TP73: variants seen among roughly 807,000 people sequenced by gnomAD.
The protein encoded by TP73 is p53-like transcription factor.
In TP73, 25 loss-of-function variants were observed where a neutral mutation model predicts 62.5. The ratio of observed to expected loss-of-function variants is 0.40; its 90% CI spans 0.29 to 0.56. The LOEUF is 0.56. Among genes scored for constraint, TP73 ranks in the 20% least tolerant of loss-of-function variants. The probability of loss-of-function intolerance (pLI) is 0.46; values close to 1 mark genes in which losing one functional copy is unlikely to be tolerated. For synonymous variants in TP73, 423 were observed against 377.5 expected, an observed-to-expected ratio of 1.12 and a Z score of -1.40; for missense variants, 754 against 913.3, an observed-to-expected ratio of 0.83 and a Z score of 2.25.
At chr1:3,726,288 GTGGAT>G (rs1489599000) in intron 6 of TP73, among the ~76,000 whole-genome samples, 33 of 32,196 alleles carry the variant, frequency 1.0e-3, no homozygotes, top group African/African-American at 1.7e-3. Context: ...GGGTGGGTGG[GTGGAT>G]GGATGGATGG....
chr1:3,656,224 C>T (rs1644863171), intron 1 of TP73, among the ~76,000 whole-genome samples: 1 of 151,562 alleles, frequency 6.6e-6, no homozygotes, highest in Non-Finnish European at 1.5e-5. Context: ...GAGTGTAAGA[C>T]AGCTTATACC....
intron 1 of TP73, among the ~76,000 whole-genome samples, chr1:3,653,418 C>T (rs1394493274): frequency 1.3e-5 from 2 of 152,272 alleles, no homozygotes; most frequent in Non-Finnish European, 2.9e-5. Context: ...ATTACCTTTG[C>T]TCAGCTTGTA....
At position 3,732,823 on chromosome 1, in the gene TP73, A is replaced by G. The variant is rs1411023127; in HGVS notation, c.1655A>G (p.His552Arg). 9 of 1,609,792 alleles carry G rather than the reference A, an allele frequency of 5.6e-6. No individual in the cohort carries two copies. The highest frequency in any genetic ancestry group is 7.6e-6 in the Non-Finnish European group (9 of 1,177,902). The stretch of plus-strand genomic sequence containing the variant: ...GGCCTGCAGGACCTGAAGCAGGGCC[A>G]CGACTACAGCACCGCGCAGCAGCTG... ...WRGLQDLKQG[H>R]DYSTAQQLLR... Residue 552 changes from histidine to arginine, a missense_variant, in exon 14 of 14, where the codon CAC (histidine) becomes CGC (arginine). Coordinates refer to ENST00000378295, the MANE Select transcript of TP73 (RefSeq NM_005427.4).
At position 3,731,034 on chromosome 1, in the gene TP73, C is replaced by T. The variant is rs1202475331; in HGVS notation, c.1453C>T (p.Pro485Ser). ...CTCGGGGTCCCACTGCACTCCGCCACCCCCCTACCACGCCGACCCCAGCCT... is the reference window on the plus strand; with the variant it reads ...CTCGGGGTCCCACTGCACTCCGCCATCCCCCTACCACGCCGACCCCAGCCT... ...MVSGSHCTPP[P>S]PYHADPSLVS... is the part of the protein sequence containing the mutation. The change falls in exon 12 of 14, where the codon CCC becomes TCC. Residue 485 changes from proline (P) to serine (S), a missense_variant. Coordinates refer to ENST00000378295, the MANE Select transcript of TP73 (RefSeq NM_005427.4). 4 of 1,612,118 alleles carry T rather than the reference C, an allele frequency of 2.5e-6. No homozygotes were observed. In the South Asian group the frequency reaches 4.4e-5, roughly 18 times the overall value.
intron 9 of TP73, among the ~76,000 whole-genome samples, chr1:3,728,755 A>G (rs1301016566): frequency 2.0e-5 from 3 of 152,202 alleles, no homozygotes; most frequent in Non-Finnish European, 4.4e-5. Context: ...CGGGTGGATC[A>G]CTTGAGCCCA....
chr1:3,685,067 AG>A (rs1203695803), intron 3 of TP73, among the ~76,000 whole-genome samples: 1 of 152,122 alleles, frequency 6.6e-6, no homozygotes, highest in Non-Finnish European at 1.5e-5. Flanking sequence ...GGAGGGAGGA[AG>A]ACCCATAAGA....
intron 3 of TP73, among the ~76,000 whole-genome samples, chr1:3,691,252 G>A (rs1333086185): frequency 6.6e-6 from 1 of 152,172 alleles, no homozygotes; most frequent in African/African-American, 2.4e-5. Context: ...GGGGGTCTCT[G>A]ATGCTCCTTG....
At chr1:3,718,895 C>T (rs371880449) in intron 4 of TP73, among the ~76,000 whole-genome samples, 35 of 152,252 alleles carry the variant, frequency 2.3e-4, no homozygotes, top group African/African-American at 7.7e-4. Flanking sequence ...AACACCTCCT[C>T]ACCTGGTGCT....
rs774443848 is a variant in TP73 at position 3,730,082 on chromosome 1, G to A, written c.1279G>A (p.Val427Ile). 1.3e-5 allele frequency: 21 copies of A among 1,597,976 alleles called. No individual in the cohort carries two copies. Among genetic ancestry groups the A allele is most frequent in the South Asian group, 4.5e-5 (4 of 88,372 alleles). Residue 427 changes from valine to isoleucine, a missense_variant, in exon 11 of 14, where the codon GTC (valine) becomes ATC (isoleucine). Physicochemically the swap from Val to Ile is conservative, Grantham distance 29 (BLOSUM62 3). This residue lies in a region of TP73 where 458 missense variants were observed against 528.7 expected (regional missense o/e 0.87). Transcript: ENST00000378295. ...VHGGMNKLPS[V>I]NQLVGQPPPH... ...CGGGGGCATGAACAAGCTGCCCTCC[G>A]TCAACCAGCTGGTGGGCCAGCCTCC...
intron 4 of TP73, chr1:3,708,027 CAG>C: frequency 3.1e-6 from 2 of 638,682 alleles, no homozygotes; most frequent in South Asian, 4.0e-5. Context: ...CAAAGGGCCA[CAG>C]AGGGGACGGA....
chr1:3,715,881 G>T (rs972321053), intron 4 of TP73, among the ~76,000 whole-genome samples: 43 of 152,294 alleles, frequency 2.8e-4, no homozygotes, highest in African/African-American at 8.4e-4. Flanking sequence ...CATAGCCCAG[G>T]ATGGAGATCC....
intron 4 of TP73, among the ~76,000 whole-genome samples, chr1:3,717,433 G>A (rs974799582): frequency 2.6e-5 from 4 of 152,250 alleles, no homozygotes; most frequent in Non-Finnish European, 4.4e-5. Context: ...CACGCACCCT[G>A]GGCAGGCAAG....
chr1:3,728,181 G>A lies in TP73; in HGVS notation c.1038G>A (p.Lys346=). ...AVPALGAGVK[K]RRHGDEDTYY... ...CCGCCCTTGGTGCCGGTGTGAAGAA[G>A]CGGCGGCATGGAGACGAGGACACGT... Residue 346 remains lysine (K), a synonymous_variant, in exon 9 of 14, where the codon AAG becomes AAA. Coordinates refer to ENST00000378295, the MANE Select transcript of TP73 (RefSeq NM_005427.4). 6.2e-7 allele frequency: 1 copy of A among 1,612,082 alleles called. No homozygotes were observed.
Position 3,698,531 on chromosome 1 carries a change from G to A in TP73, c.187-9018G>A, listed in dbSNP as rs565823359. Reference sequence around the variant, plus strand: ...CTGGTGGGCCAGCCCTCTGGAGGAGGCCTCTCAGGGGAGGTGGGCTTTGAG... The same window carrying A: ...CTGGTGGGCCAGCCCTCTGGAGGAGACCTCTCAGGGGAGGTGGGCTTTGAG... On this transcript the variant is annotated intron_variant, in intron 3 of 13. Transcript: ENST00000378295. 1.4e-3 allele frequency among the ~76,000 whole-genome samples: 215 copies of A among 152,334 alleles called. 1 individual carries two copies. Among genetic ancestry groups the A allele is most frequent in the African/African-American group, 4.9e-3 (202 of 41,572 alleles).
intron 4 of TP73, among the ~76,000 whole-genome samples, chr1:3,712,880 G>A (rs977292748): frequency 2.7e-4 from 41 of 152,276 alleles, no homozygotes; most frequent in Non-Finnish European, 4.9e-4. Context: ...CAGCCCGTGT[G>A]GTGCCCCACC....
intron 3 of TP73, among the ~76,000 whole-genome samples, chr1:3,683,522 T>C (rs1645573965): frequency 2.0e-5 from 3 of 152,060 alleles, no homozygotes; most frequent in African/African-American, 7.2e-5. Flanking sequence ...GGGCTTCTAC[T>C]GGTGGATCCA....
chr1:3,701,273 G>C lies in TP73; in HGVS notation c.187-6276G>C, dbSNP rs1055801650. 6.6e-6 allele frequency among the ~76,000 whole-genome samples: 1 copy of C among 151,936 alleles called. No homozygotes were observed. The highest frequency in any genetic ancestry group is 2.4e-5 in the African/African-American group (1 of 41,358). On this transcript the variant is annotated intron_variant, in intron 3 of 13. Transcript: ENST00000378295. The surrounding 1 kb of genome is among the most constrained non-coding windows in gnomAD (Gnocchi z 4.7). ...CCAGGGCTTAGCGACTGTCCTCTGC[G>C]TAGTGAATCTGGATTCCCGTCCCTG...
chr1:3,688,316 T>A (rs1483112465), intron 3 of TP73, among the ~76,000 whole-genome samples: 3 of 152,184 alleles, frequency 2.0e-5, no homozygotes, highest in South Asian at 4.1e-4. Context: ...GCCTCTTCCA[T>A]GCGGTGGGAT....
chr1:3,708,845 C>T (rs977445717), intron 4 of TP73, among the ~76,000 whole-genome samples: 3 of 152,234 alleles, frequency 2.0e-5, no homozygotes, highest in Non-Finnish European at 4.4e-5. Flanking sequence ...CATGTTGGTC[C>T]GGCCCACTGG....
Sources: gnomAD v4.1 joint callset for allele counts (sites outside exome capture counted in the v4.1 genomes callset) on GRCh38, gnomAD v4.1.1 for gene constraint, gnomAD v4.1.1 regional missense constraint, Gnocchi (gnomAD v3.1) non-coding constraint, MANE v1.5 for transcripts, NCBI Gene and HGNC (gene_info 2026-07-23, HGNC 2026-07-21) for gene names.